PDE10A: variants seen among roughly 807,000 people sequenced by gnomAD.
PDE10A encodes cAMP and cAMP-inhibited cGMP 3',5'-cyclic phosphodiesterase 10A.
PDE10A carries 39 observed loss-of-function variants against 97.7 expected under a neutral mutation model. The ratio of observed to expected loss-of-function variants is 0.40; its 90% confidence interval spans 0.31 to 0.52. PDE10A has a LOEUF of 0.52. Ranked by LOEUF, PDE10A falls within the 20% of genes least tolerant of loss-of-function variation. The probability of loss-of-function intolerance (pLI) is 0.56; values close to 1 mark genes in which losing one functional copy is unlikely to be tolerated. For synonymous variants in PDE10A, 371 were observed against 376.8 expected (o/e 0.98, Z 0.18); for missense variants, 731 against 1,047.8 (o/e 0.70, Z 4.17).
intron 1 of PDE10A, among the ~76,000 whole-genome samples, chr6:165,616,300 A>T (rs573070321): frequency 2.0e-5 from 3 of 152,236 alleles, no homozygotes; most frequent in African/African-American, 7.2e-5. Flanking sequence ...AAGGGAGGAA[A>T]CTTCCCTAAC....
chr6:165,896,725 C>T (rs1225880348), intron 1 of PDE10A, among the ~76,000 whole-genome samples: 5 of 151,980 alleles, frequency 3.3e-5, no homozygotes, highest in African/African-American at 1.2e-4. Context: ...GGGGTTTCAC[C>T]GTGTTAGCCA....
At chr6:165,628,801 T>C (rs1788501502) in intron 1 of PDE10A, among the ~76,000 whole-genome samples, 1 of 152,218 alleles carries the variant, frequency 6.6e-6, no homozygotes. Flanking sequence ...TACACTAATC[T>C]AAACCTCCAG....
chr6:165,612,595 C>T (rs1004189154), intron 1 of PDE10A, among the ~76,000 whole-genome samples: 4 of 152,142 alleles, frequency 2.6e-5, no homozygotes, highest in African/African-American at 9.7e-5. Flanking sequence ...ATCTCAGAAG[C>T]CTGACCTCAG....
At chr6:165,420,301 A>G (rs981993258) in intron 10 of PDE10A, among the ~76,000 whole-genome samples, 53 of 152,308 alleles carry the variant, frequency 3.5e-4, no homozygotes, top group African/African-American at 1.2e-3. Flanking sequence ...GCAAGAGAGT[A>G]TGGCCCACAA....
chr6:165,638,513 A>G (rs1320371787), intron 1 of PDE10A, among the ~76,000 whole-genome samples: 2 of 152,266 alleles, frequency 1.3e-5, no homozygotes, highest in Admixed American at 1.3e-4. Flanking sequence ...CATGTAATAC[A>G]CATTCCTGTC....
rs186105947 is a variant in PDE10A, at chr6:165,959,249, T to C, written c.-615+28280A>G. Among the ~76,000 whole-genome samples, 85 of 152,174 alleles carry C rather than the reference T, an allele frequency of 5.6e-4. No homozygotes were observed. The Middle Eastern group carries it at 0.01, about 18-fold the overall frequency. ...TGTTCAGCTCCTCATTTCCAAGCAA[T>C]GGTTTCCATACTGGCAGCAAGAGGC... On this transcript the variant is annotated intron_variant, in intron 1 of 19. Transcript: ENST00000366882.
At chr6:165,458,472 C>T (rs1778093493) in intron 3 of PDE10A, among the ~76,000 whole-genome samples, 1 of 152,120 alleles carries the variant, frequency 6.6e-6, no homozygotes, top group African/African-American at 2.4e-5. Flanking sequence ...AATGTGCCAT[C>T]ACCTTGATCT....
chr6:165,911,632 C>G (rs548258245), intron 1 of PDE10A, among the ~76,000 whole-genome samples: 2 of 152,292 alleles, frequency 1.3e-5, no homozygotes, highest in South Asian at 4.1e-4. Context: ...GAGGCTTTGC[C>G]CCACTTCCAT....
rs117558496 is a variant in PDE10A at position 165,478,568 on chromosome 6, G to A, written c.1023+3747C>T. Among the ~76,000 whole-genome samples the A allele has an allele frequency of 2.6e-5, 4 of 152,298 alleles. No individual in the cohort carries two copies. The East Asian group carries it at 7.7e-4, about 29-fold the overall frequency. On this transcript the variant is annotated intron_variant, in intron 3 of 21. Coordinates refer to ENST00000539869, the MANE Select transcript of PDE10A (RefSeq NM_001385079.1). ...TGACTCTAGTATAGCAGCATCACAT[G>A]ACGGCAGGCCCTGAAAGAAATTGAA...
intron 1 of PDE10A, among the ~76,000 whole-genome samples, chr6:165,610,339 C>T (rs1787430374): frequency 2.0e-5 from 3 of 151,960 alleles, no homozygotes; most frequent in African/African-American, 7.2e-5. Context: ...GTCAGGAGAT[C>T]GAGACCATGG....
At chr6:165,523,887 T>C (rs1278713239) in intron 2 of PDE10A, among the ~76,000 whole-genome samples, 4 of 152,126 alleles carry the variant, frequency 2.6e-5, no homozygotes, top group African/African-American at 9.7e-5. Flanking sequence ...GGTGTGTCTG[T>C]GAGGGTGTTG....
chr6:165,898,396 C>G (rs1350191605), intron 1 of PDE10A, among the ~76,000 whole-genome samples: 1 of 152,090 alleles, frequency 6.6e-6, no homozygotes, highest in Non-Finnish European at 1.5e-5. Context: ...GTGCCAGGCA[C>G]CACCCTTTAG....
At chr6:165,608,380 G>A (rs1048913406) in intron 1 of PDE10A, among the ~76,000 whole-genome samples, 18 of 151,552 alleles carry the variant, frequency 1.2e-4, no homozygotes, top group African/African-American at 3.6e-4. Context: ...TTGTCCTTGC[G>A]ATAGTTTGCT....
At chr6:165,608,690 G>A (rs1272796814) in intron 1 of PDE10A, among the ~76,000 whole-genome samples, 1 of 152,174 alleles carries the variant, frequency 6.6e-6, no homozygotes, top group Non-Finnish European at 1.5e-5. Context: ...TCGCCACACT[G>A]TCTTCCACAA....
chr6:165,707,639 G>A (rs2128445132), intron 1 of PDE10A, among the ~76,000 whole-genome samples: 1 of 151,912 alleles, frequency 6.6e-6, no homozygotes, highest in South Asian at 2.1e-4. Flanking sequence ...TTGTGTGTGT[G>A]CGCATGTTTG....
rs1562327887 is a variant in PDE10A at position 165,958,758 on chromosome 6, A to AAAGAAAGAAAGAAAGG, written c.-615+28770_-615+28771insCCTTTCTTTCTTTCTT. Among the ~76,000 whole-genome samples, 3 of 140,302 alleles carry AAAGAAAGAAAGAAAGG rather than the reference A, an allele frequency of 2.1e-5. No homozygotes were observed. The East Asian group carries it at 7.1e-4, about 33-fold the overall frequency. 92.0% of individuals were successfully genotyped at this position (140,302 alleles called of 152,430 possible). On this transcript the variant is annotated intron_variant, in intron 1 of 19. Transcript: ENST00000366882. The stretch of plus-strand genomic sequence containing the variant: ...AAGAAAGAAAGAAAGAGAAAGAAAG[A>AAAGAAAGAAAGAAAGG]AAGAAAGAAGAAAGCAAGCCAGCCA...
At chr6:165,758,601 C>A in intron 1 of PDE10A, among the ~76,000 whole-genome samples, 1 of 147,518 alleles carries the variant, frequency 6.8e-6, no homozygotes, top group South Asian at 2.2e-4. Flanking sequence ...AAAGAGGCAG[C>A]AGCAGAAGAA....
intron 1 of PDE10A, among the ~76,000 whole-genome samples, chr6:165,678,243 C>A (rs931965795): frequency 2.8e-3 from 4 of 1,452 alleles, no homozygotes; most frequent in Non-Finnish European, 5.4e-3. Flanking sequence ...ATGTGTGTAT[C>A]TGTGAATGTG....
intron 2 of PDE10A, among the ~76,000 whole-genome samples, chr6:165,536,651 A>G (rs1184139727): frequency 6.6e-6 from 1 of 152,002 alleles, no homozygotes; most frequent in Non-Finnish European, 1.5e-5. Context: ...CTGAATAGGT[A>G]TTTCTCAAGA....
Sources: allele counts gnomAD v4.1 joint callset (sites outside exome capture counted in the v4.1 genomes callset), GRCh38; gene constraint gnomAD v4.1.1; transcripts MANE v1.5; gene names NCBI Gene and HGNC (gene_info 2026-07-23, HGNC 2026-07-21).